SSPN: variants seen among roughly 807,000 people sequenced by gnomAD.
SSPN encodes the protein sarcospan.
In SSPN, 15 loss-of-function variants were observed where a neutral mutation model predicts 19.1. That is an observed-to-expected ratio of 0.78 (90% CI 0.52 to 1.21). The LOEUF (loss-of-function observed/expected upper bound fraction) is 1.21. SSPN is among the 50% of genes most tolerant of loss of function. The pLI is 0.00. For synonymous variants in SSPN, 147 were observed against 140.3 expected (o/e 1.05, Z -0.34); for missense variants, 291 against 314.0 (o/e 0.93, Z 0.55).
At chr12:26,157,496 T>G (rs1565674303) in intron 1 of SSPN, among the ~76,000 whole-genome samples, 1 of 152,186 alleles carries the variant, frequency 6.6e-6, no homozygotes, top group Non-Finnish European at 1.5e-5. Context: ...AAATTCACAC[T>G]GGATATACTG....
chr12:26,164,583 C>A (rs931928409), intron 1 of SSPN, among the ~76,000 whole-genome samples: 5 of 152,114 alleles, frequency 3.3e-5, no homozygotes, highest in Non-Finnish European at 5.9e-5. Context: ...ACAAAATATC[C>A]TAAATTTATA....
rs71435694 is a variant in SSPN, at chr12:26,228,653, T to TACACAC, written c.367-2042_367-2037dup. 1.9e-4 allele frequency among the ~76,000 whole-genome samples: 28 copies of TACACAC among 149,498 alleles called. No individual in the cohort carries two copies. In the East Asian group the frequency reaches 4.9e-3, roughly 26 times the overall value. ...GTACTGGGAATACAGCTACGATGGGTACACACACACACACACACACAGAAC... is the reference window on the plus strand; with the variant it reads ...GTACTGGGAATACAGCTACGATGGGTACACACACACACACACACACACACACAGAAC... On this transcript the variant is annotated intron_variant, in intron 2 of 2. Transcript: ENST00000242729.
Position 26,195,825 on chromosome 12 carries a change from G to T in SSPN, c.153G>T (p.Arg51=), listed in dbSNP as rs1944823547. 5 of 1,538,170 alleles carry T rather than the reference G, an allele frequency of 3.3e-6. No individual in the cohort carries two copies. The highest frequency in any genetic ancestry group is 2.5e-5 in the East Asian group (1 of 39,316). Reference sequence around the variant, plus strand: ...AGCCCCGGACCTGCTGCGGCTGCCGGTTCCCGCTGCTGCTCGCCCTGCTGC... The same window carrying T: ...AGCCCCGGACCTGCTGCGGCTGCCGTTTCCCGCTGCTGCTCGCCCTGCTGC... ...EEEPRTCCGC[R]FPLLLALLQL... The change falls in exon 1 of 3, where the codon CGG becomes CGT. Residue 51 remains arginine (R), a synonymous_variant. Coordinates refer to ENST00000242729, the MANE Select transcript of SSPN (RefSeq NM_005086.5).
chr12:26,198,111 C>T (rs534351271), intron 1 of SSPN, among the ~76,000 whole-genome samples: 1 of 152,008 alleles, frequency 6.6e-6, no homozygotes, highest in African/African-American at 2.4e-5. Context: ...GTGTACACAC[C>T]ACACCTGGTG....
chr12:26,189,625 T>C (rs1176261386), intron 1 of SSPN, among the ~76,000 whole-genome samples: 1 of 152,188 alleles, frequency 6.6e-6, no homozygotes, highest in African/African-American at 2.4e-5. Flanking sequence ...TCCTTGACTT[T>C]ATATTGTCCC....
At chr12:26,201,050 A>ATATATATATATATAT (rs1236929831) in intron 1 of SSPN, among the ~76,000 whole-genome samples, 1 of 111,098 alleles carries the variant, frequency 9.0e-6, no homozygotes, top group African/African-American at 3.3e-5. Flanking sequence ...TATATATTAT[A>ATATATATATATATAT]TATATATATT....
chr12:26,128,723 G>A (rs1397257257), intron 1 of SSPN, among the ~76,000 whole-genome samples: 1 of 152,294 alleles, frequency 6.6e-6, no homozygotes, highest in East Asian at 1.9e-4. Context: ...TGAGCTCAAA[G>A]CCCCTTTGAG....
At chr12:26,202,483 C>T (rs1944894858) in intron 1 of SSPN, among the ~76,000 whole-genome samples, 1 of 152,176 alleles carries the variant, frequency 6.6e-6, no homozygotes, top group South Asian at 2.1e-4. Context: ...GACTTATATG[C>T]ACTCTCCTAA....
At position 26,195,635 on chromosome 12, in the gene SSPN, G is replaced by T; in HGVS notation, c.-38G>T. The stretch of plus-strand genomic sequence containing the variant: ...GCCGCGCTCCAGGGCCCAGGGCGCC[G>T]CACACGCACCCACCCACCCACCCAG... On this transcript the variant is annotated 5_prime_UTR_variant, in exon 1 of 3. Coordinates refer to ENST00000242729, the MANE Select transcript of SSPN (RefSeq NM_005086.5). The T allele has an allele frequency of 7.6e-7, 1 of 1,315,934 alleles. No homozygotes were observed. The highest frequency in any genetic ancestry group is 3.2e-5 in the East Asian group (1 of 30,780). 81.5% of individuals were successfully genotyped at this position (1,315,934 alleles called of 1,614,324 possible).
At chr12:26,159,678 A>T (rs1019808906) in intron 1 of SSPN, among the ~76,000 whole-genome samples, 1 of 152,204 alleles carries the variant, frequency 6.6e-6, no homozygotes, top group Non-Finnish European at 1.5e-5. Context: ...TGAATGCAGG[A>T]ATAGGTATGA....
chr12:26,216,239 C>T (rs1421822560), intron 1 of SSPN, among the ~76,000 whole-genome samples: 2 of 152,184 alleles, frequency 1.3e-5, no homozygotes, highest in Non-Finnish European at 2.9e-5. Flanking sequence ...GGGCTTACAG[C>T]TTAGCCTAGT....
intron 1 of SSPN, chr12:26,180,037 T>G (rs966978630): frequency 1.3e-5 from 2 of 151,616 alleles, no homozygotes; most frequent in Non-Finnish European, 2.9e-5. Flanking sequence ...CTGTGTTGTT[T>G]GCTCATGGCA....
At chr12:26,187,067 C>A (rs1473175849) in intron 1 of SSPN, among the ~76,000 whole-genome samples, 1 of 152,236 alleles carries the variant, frequency 6.6e-6, no homozygotes, top group Non-Finnish European at 1.5e-5. Context: ...GGTAGCTCCC[C>A]TTCCAAAAGG....
chr12:26,130,951 G>A (rs1944394307), intron 1 of SSPN, among the ~76,000 whole-genome samples: 1 of 151,706 alleles, frequency 6.6e-6, no homozygotes, highest in Non-Finnish European at 1.5e-5. Context: ...CATTACAAGA[G>A]GTTACAAATG....
At chr12:26,161,261 A>G (rs1487594105) in intron 1 of SSPN, among the ~76,000 whole-genome samples, 2 of 151,718 alleles carry the variant, frequency 1.3e-5, no homozygotes, top group Admixed American at 6.6e-5. Context: ...CCTCTTACCT[A>G]TAATCTCCTC....
chr12:26,225,878 C>A (rs1214652452), intron 2 of SSPN, among the ~76,000 whole-genome samples: 1 of 151,942 alleles, frequency 6.6e-6, no homozygotes, highest in African/African-American at 2.4e-5. Context: ...CCTCATTTTC[C>A]CCCCAGATGA....
At chr12:26,176,245 C>A (rs1944683063) in intron 1 of SSPN, among the ~76,000 whole-genome samples, 2 of 152,150 alleles carry the variant, frequency 1.3e-5, no homozygotes, top group African/African-American at 2.4e-5. Context: ...CTGAATTATT[C>A]TAATGAAATA....
chr12:26,152,866 C>T (rs1944533675), intron 1 of SSPN, among the ~76,000 whole-genome samples: 1 of 152,222 alleles, frequency 6.6e-6, no homozygotes, highest in African/African-American at 2.4e-5. Context: ...CTGCAGCCTC[C>T]CTTCCAACTT....
chr12:26,211,732 C>CA (rs1944988429), intron 1 of SSPN: 3 of 152,186 alleles, frequency 2.0e-5, no homozygotes, highest in Admixed American at 2.0e-4. Context: ...TGCTGAGAAA[C>CA]AGGGCAGTCA....
Sources: gnomAD v4.1 joint callset for allele counts (sites outside exome capture counted in the v4.1 genomes callset) on GRCh38, gnomAD v4.1.1 for gene constraint, MANE v1.5 for transcripts, NCBI Gene and HGNC (gene_info 2026-07-23, HGNC 2026-07-21) for gene names.